GNB1: variants seen among roughly 807,000 people sequenced by gnomAD.
GNB1 encodes the protein guanine nucleotide-binding protein G(I)/G(S)/G(T) subunit beta-1.
GNB1 carries 2 observed loss-of-function variants against 42.9 expected under a neutral mutation model. That is an observed-to-expected ratio of 0.05 (90% CI 0.02 to 0.15). The LOEUF (loss-of-function observed/expected upper bound fraction) is 0.15, where lower values mean the gene tolerates loss of function less well. Ranked by LOEUF, GNB1 falls within the 10% of genes least tolerant of loss-of-function variation. GNB1 has a pLI of 1.00. For missense variants in GNB1, 193 were observed against 462.2 expected (o/e 0.42, Z 5.34); for synonymous variants, 183 against 174.7 (o/e 1.05, Z -0.38).
intron 5 of GNB1, among the ~76,000 whole-genome samples, chr1:1,807,938 T>C (rs1369743106): frequency 6.6e-6 from 1 of 152,118 alleles, no homozygotes; most frequent in Non-Finnish European, 1.5e-5. Context: ...CTCGATCTCC[T>C]GACCTCGTGA....
intron 1 of GNB1, among the ~76,000 whole-genome samples, chr1:1,847,722 C>T (rs1348852920): frequency 1.1e-4 from 16 of 152,124 alleles, no homozygotes; most frequent in Non-Finnish European, 1.3e-4. Context: ...CTGCGCCTGA[C>T]CTCACAGGAT....
chr1:1,845,349 G>A (rs920975447), intron 1 of GNB1, among the ~76,000 whole-genome samples: 1 of 152,136 alleles, frequency 6.6e-6, no homozygotes, highest in African/African-American at 2.4e-5. Context: ...CAAGGCGGGC[G>A]GATCACGAGG....
chr1:1,820,425 C>A (rs1267291924), intron 3 of GNB1, among the ~76,000 whole-genome samples: 1 of 149,962 alleles, frequency 6.7e-6, no homozygotes, highest in Non-Finnish European at 1.5e-5. Context: ...TTTATACATT[C>A]CAAATTCATC....
chr1:1,850,714 G>T (rs1210749154), intron 1 of GNB1, among the ~76,000 whole-genome samples: 1 of 152,042 alleles, frequency 6.6e-6, no homozygotes, highest in African/African-American at 2.4e-5. Context: ...GTCTCTGGCA[G>T]TTCCAATATC....
intron 2 of GNB1, among the ~76,000 whole-genome samples, chr1:1,838,167 C>T (rs1224940497): frequency 6.6e-6 from 1 of 152,042 alleles, no homozygotes. Context: ...TGCACCACTG[C>T]ACTTCGGCCT....
At chr1:1,810,158 T>A (rs1324422854) in intron 5 of GNB1, among the ~76,000 whole-genome samples, 1 of 152,074 alleles carries the variant, frequency 6.6e-6, no homozygotes, top group East Asian at 1.9e-4. Flanking sequence ...CTCTGCCTCC[T>A]GGGTTCATGC....
intron 1 of GNB1, among the ~76,000 whole-genome samples, chr1:1,869,435 T>TA (rs973834739): frequency 1.3e-5 from 2 of 152,096 alleles, no homozygotes; most frequent in Non-Finnish European, 2.9e-5. Flanking sequence ...GCCCCCACCT[T>TA]AGTGTCTCTC....
intron 1 of GNB1, among the ~76,000 whole-genome samples, chr1:1,880,136 T>C (rs1440457203): frequency 1.3e-5 from 2 of 152,080 alleles, no homozygotes; most frequent in East Asian, 3.9e-4. Flanking sequence ...TCTCACTATG[T>C]TGCCCAGGCT....
At position 1,820,356 on chromosome 1, in the gene GNB1, T is replaced by TAAA. The variant is rs35466451; in HGVS notation, c.58-2484_58-2482dup. Among the ~76,000 whole-genome samples, 69 of 101,856 alleles carry TAAA rather than the reference T, an allele frequency of 6.8e-4. 1 individual carries two copies. Among genetic ancestry groups the TAAA allele is most frequent in the South Asian group, 7.2e-4 (2 of 2,774 alleles). 66.8% of individuals were successfully genotyped at this position (101,856 alleles called of 152,430 possible). ...CCGGGCAACAGAGCGAGACTCTGTTTAAAAAAAAAAAAAAAAAAAAAAAAG... is the reference window on the plus strand; with the variant it reads ...CCGGGCAACAGAGCGAGACTCTGTTTAAAAAAAAAAAAAAAAAAAAAAAAAAAG... On this transcript the variant is annotated intron_variant, in intron 3 of 11. Transcript: ENST00000378609.
intron 1 of GNB1, among the ~76,000 whole-genome samples, chr1:1,863,609 A>AG (rs2101677594): frequency 6.6e-6 from 1 of 152,314 alleles, no homozygotes; most frequent in South Asian, 2.1e-4. Flanking sequence ...GTTAACTATA[A>AG]AAGAACACAA....
intron 5 of GNB1, among the ~76,000 whole-genome samples, chr1:1,813,014 TGTC>T (rs1352880510): frequency 6.6e-6 from 1 of 152,148 alleles, no homozygotes; most frequent in Admixed American, 6.6e-5. Flanking sequence ...GCAGCAGCAC[TGTC>T]TACTCCACTA....
chr1:1,841,555 G>A (rs1408540769), intron 1 of GNB1, among the ~76,000 whole-genome samples: 1 of 152,194 alleles, frequency 6.6e-6, no homozygotes, highest in Non-Finnish European at 1.5e-5. Context: ...ACTTGTGGAG[G>A]CTTCACAGGT....
At chr1:1,844,130 G>A (rs1647483578) in intron 1 of GNB1, among the ~76,000 whole-genome samples, 1 of 152,092 alleles carries the variant, frequency 6.6e-6, no homozygotes. Context: ...GGGAGGCAGA[G>A]CTTGCAGTGA....
chr1:1,845,221 G>C (rs143356388), intron 1 of GNB1, among the ~76,000 whole-genome samples: 2 of 152,172 alleles, frequency 1.3e-5, no homozygotes, highest in South Asian at 2.1e-4. Flanking sequence ...CAAACGTGGG[G>C]GTACATTCTA....
At chr1:1,798,724 C>T (rs1284369752) in intron 7 of GNB1, among the ~76,000 whole-genome samples, 1 of 152,114 alleles carries the variant, frequency 6.6e-6, no homozygotes, top group Admixed American at 6.6e-5. Context: ...TTTTTGGAGA[C>T]GGAGTTTCGC....
chr1:1,876,311 G>C (rs56407182), intron 1 of GNB1, among the ~76,000 whole-genome samples: 319 of 151,440 alleles, frequency 2.1e-3, no homozygotes, highest in African/African-American at 7.6e-3. Context: ...AGAAGGACTT[G>C]TTTTTTTTTA....
At chr1:1,881,642 C>T (rs1247077818) in intron 1 of GNB1, among the ~76,000 whole-genome samples, 2 of 152,136 alleles carry the variant, frequency 1.3e-5, no homozygotes, top group African/African-American at 2.4e-5. Context: ...TCAAGTGATC[C>T]GCCCGCCCTG....
intron 2 of GNB1, among the ~76,000 whole-genome samples, chr1:1,828,894 T>TACACAC (rs71578341): frequency 4.7e-5 from 7 of 149,730 alleles, no homozygotes; most frequent in Admixed American, 1.3e-4. Flanking sequence ...CATACACACA[T>TACACAC]ACACACACAC....
chr1:1,879,327 A>C (rs1649714175), intron 1 of GNB1, among the ~76,000 whole-genome samples: 1 of 152,218 alleles, frequency 6.6e-6, no homozygotes, highest in Non-Finnish European at 1.5e-5. Context: ...CTGTGCTATA[A>C]ATTAAAACTG....
Sources: gnomAD v4.1 joint callset for allele counts (sites outside exome capture counted in the v4.1 genomes callset) on GRCh38, gnomAD v4.1.1 for gene constraint, MANE v1.5 for transcripts, NCBI Gene and HGNC (gene_info 2026-07-23, HGNC 2026-07-21) for gene names.